Variants in LRMDA observed in about 807,000 individuals in gnomAD.
The protein encoded by LRMDA is leucine-rich melanocyte differentiation-associated protein.
LRMDA carries 18 observed loss-of-function variants against 29.8 expected under a neutral mutation model. That is an observed-to-expected ratio of 0.60 (90% CI 0.42 to 0.90). LRMDA has a LOEUF of 0.90. Among genes scored for constraint, LRMDA ranks in the 40% least tolerant of loss-of-function variants. The pLI is 0.00. For synonymous variants in LRMDA, 125 were observed against 109.4 expected, an observed-to-expected ratio of 1.14 and a Z score of -0.89; for missense variants, 273 against 273.9, an observed-to-expected ratio of 1.00 and a Z score of 0.02.
intron 2 of LRMDA, among the ~76,000 whole-genome samples, chr10:75,859,637 A>G (rs1564588855): frequency 6.7e-6 from 1 of 149,176 alleles, no homozygotes; most frequent in Admixed American, 6.7e-5. Flanking sequence ...ACACACACAC[A>G]CACACACACA....
At chr10:76,208,256 C>A (rs1052981718) in intron 5 of LRMDA, among the ~76,000 whole-genome samples, 1 of 152,028 alleles carries the variant, frequency 6.6e-6, no homozygotes, top group Non-Finnish European at 1.5e-5. Flanking sequence ...AGGAAGCCAA[C>A]AAATTATATG....
intron 5 of LRMDA, among the ~76,000 whole-genome samples, chr10:76,102,663 T>A (rs1257302793): frequency 1.3e-5 from 2 of 152,128 alleles, no homozygotes; most frequent in Non-Finnish European, 2.9e-5. Context: ...TTTTTGTTTG[T>A]TTGTTTTGAG....
At position 76,399,850 on chromosome 10, in the gene LRMDA, G is replaced by A. The variant is rs141278754; in HGVS notation, c.601+75365G>A. On this transcript the variant is annotated intron_variant, in intron 6 of 6. Transcript: ENST00000611255. Reference sequence around the variant, plus strand: ...CCTAAAGTTAGTGCTTTTTCATTGAGTCTAATCATTTCCTTCATGGCCTGT... The same window carrying A: ...CCTAAAGTTAGTGCTTTTTCATTGAATCTAATCATTTCCTTCATGGCCTGT... Among the ~76,000 whole-genome samples the A allele has an allele frequency of 6.4e-4, 97 of 152,172 alleles. 1 individual carries two copies. The highest frequency in any genetic ancestry group is 2.9e-5 in the Non-Finnish European group (2 of 68,002).
At chr10:75,863,777 G>T (rs1844973866) in intron 2 of LRMDA, among the ~76,000 whole-genome samples, 1 of 152,184 alleles carries the variant, frequency 6.6e-6, no homozygotes, top group Non-Finnish European at 1.5e-5. Context: ...TGGGAAACTT[G>T]ACTTTAGTTT....
At chr10:75,513,014 C>G (rs1845243798) in intron 2 of LRMDA, among the ~76,000 whole-genome samples, 1 of 152,046 alleles carries the variant, frequency 6.6e-6, no homozygotes, top group Non-Finnish European at 1.5e-5. Context: ...GAGTTTAATT[C>G]CCTCCCTGTA....
chr10:75,512,658 T>C (rs1845238440), intron 2 of LRMDA, among the ~76,000 whole-genome samples: 1 of 152,036 alleles, frequency 6.6e-6, no homozygotes, highest in South Asian at 2.1e-4. Context: ...GGGTCGGAGT[T>C]CCCAGAGGAA....
chr10:75,766,016 C>G (rs927919094), intron 2 of LRMDA, among the ~76,000 whole-genome samples: 1 of 152,152 alleles, frequency 6.6e-6, no homozygotes, highest in African/African-American at 2.4e-5. Context: ...AACAGTGGCT[C>G]TAGGTACTAC....
intron 2 of LRMDA, among the ~76,000 whole-genome samples, chr10:75,649,058 G>C (rs545219820): frequency 6.6e-6 from 1 of 152,252 alleles, no homozygotes; most frequent in South Asian, 2.1e-4. Flanking sequence ...CCATCCATCT[G>C]CAGAACTTTG....
At chr10:75,742,412 A>G (rs1057164551) in intron 2 of LRMDA, among the ~76,000 whole-genome samples, 2 of 152,214 alleles carry the variant, frequency 1.3e-5, no homozygotes, top group South Asian at 2.1e-4. Flanking sequence ...GGTGGCAAAG[A>G]GCCTACTGTG....
intron 2 of LRMDA, among the ~76,000 whole-genome samples, chr10:75,604,357 G>A (rs1840927942): frequency 6.6e-6 from 1 of 152,152 alleles, no homozygotes; most frequent in Non-Finnish European, 1.5e-5. Flanking sequence ...AGGAGTATTA[G>A]TGTGGGGCCA....
At chr10:75,803,313 A>T (rs1009218360) in intron 2 of LRMDA, among the ~76,000 whole-genome samples, 1 of 152,224 alleles carries the variant, frequency 6.6e-6, no homozygotes, top group Non-Finnish European at 1.5e-5. Context: ...CACTTAGCTC[A>T]TAATATGGTG....
chr10:76,520,041 T>C (rs774341946), intron 6 of LRMDA, among the ~76,000 whole-genome samples: 41 of 152,278 alleles, frequency 2.7e-4, no homozygotes, highest in Non-Finnish European at 5.0e-4. Flanking sequence ...TGTATATCCC[T>C]AGAGATTGGA....
chr10:75,943,330 C>T (rs1362506899), intron 2 of LRMDA, among the ~76,000 whole-genome samples: 2 of 152,164 alleles, frequency 1.3e-5, no homozygotes, highest in Non-Finnish European at 2.9e-5. Context: ...GTCATCCCAA[C>T]AACCTGTGAT....
intron 2 of LRMDA, among the ~76,000 whole-genome samples, chr10:75,616,296 G>GC: frequency 6.6e-6 from 1 of 152,206 alleles, no homozygotes; most frequent in African/African-American, 2.4e-5. Context: ...AGTAGTAGTA[G>GC]TGGTGGTGGT....
intron 2 of LRMDA, among the ~76,000 whole-genome samples, chr10:75,635,229 G>A (rs1841376373): frequency 6.6e-6 from 1 of 152,118 alleles, no homozygotes; most frequent in Admixed American, 6.5e-5. Context: ...CTGGACCTCA[G>A]CTGTCTTTAA....
chr10:75,444,204 C>G (rs1435395948), intron 2 of LRMDA, among the ~76,000 whole-genome samples: 1 of 152,112 alleles, frequency 6.6e-6, no homozygotes, highest in African/African-American at 2.4e-5. Context: ...GGCAAATCCA[C>G]TTCTGTGTTA....
At chr10:75,757,610 A>G (rs1475484858) in intron 2 of LRMDA, among the ~76,000 whole-genome samples, 2 of 152,120 alleles carry the variant, frequency 1.3e-5, no homozygotes, top group Non-Finnish European at 2.9e-5. Context: ...CTTTTAAAAA[A>G]ATGGGTGCAA....
chr10:75,719,102 A>G (rs1842535423), intron 2 of LRMDA, among the ~76,000 whole-genome samples: 1 of 152,212 alleles, frequency 6.6e-6, no homozygotes, highest in Non-Finnish European at 1.5e-5. Flanking sequence ...CCTACAGCAA[A>G]CATTGCAAGA....
chr10:75,793,178 C>G (rs182472906), intron 2 of LRMDA, among the ~76,000 whole-genome samples: 1 of 152,304 alleles, frequency 6.6e-6, no homozygotes, highest in East Asian at 1.9e-4. Flanking sequence ...CACAATTGAG[C>G]TGGTGGCAGA....
Sources: allele counts gnomAD v4.1 joint callset (sites outside exome capture counted in the v4.1 genomes callset), GRCh38; gene constraint gnomAD v4.1.1; transcripts MANE v1.5; gene names NCBI Gene and HGNC (gene_info 2026-07-23, HGNC 2026-07-21).